NAB1: variants seen among roughly 807,000 people sequenced by gnomAD.
NAB1 encodes NGFI-A-binding protein 1.
A neutral mutation model predicts 49.9 loss-of-function variants in NAB1; 25 were observed. The ratio of observed to expected loss-of-function variants is 0.50; its 90% CI spans 0.37 to 0.70. The LOEUF (loss-of-function observed/expected upper bound fraction) is 0.70, where lower values mean the gene tolerates loss of function less well. Ranked by LOEUF, NAB1 falls within the 30% of genes least tolerant of loss-of-function variation. The pLI, the probability that NAB1 is intolerant of heterozygous loss-of-function variation, is 0.00. For synonymous variants in NAB1, 198 were observed against 215.6 expected, an observed-to-expected ratio of 0.92 and a Z score of 0.71; for missense variants, 489 against 575.9, an observed-to-expected ratio of 0.85 and a Z score of 1.54.
chr2:190,663,258 C>T lies in NAB1; in HGVS notation c.819+3263C>T, dbSNP rs1391359955. 3.9e-5 allele frequency among the ~76,000 whole-genome samples: 6 copies of T among 152,034 alleles called. No individual in the cohort carries two copies. The highest frequency in any genetic ancestry group is 5.9e-5 in the Non-Finnish European group (4 of 67,998). ...TCATCTGAGTTTTCAAACTTAGTGG[C>T]GTAAAGTTATTTATAGTTTTTTAAG... On this transcript the variant is annotated intron_variant, in intron 4 of 9. Transcript: ENST00000337386. This position sits in a 1 kb window ranked among gnomAD's most constrained non-coding sequence, Gnocchi z 4.2.
At position 190,666,824 on chromosome 2, in the gene NAB1, A is replaced by G. The variant is rs1009094245; in HGVS notation, c.820-3502A>G. Reference sequence around the variant, plus strand: ...AACCAGTAAGGGAGAATATCTTGTTACTTTATCCTTTTAACAAAATTAGAG... The same window carrying G: ...AACCAGTAAGGGAGAATATCTTGTTGCTTTATCCTTTTAACAAAATTAGAG... On this transcript the variant is annotated intron_variant, in intron 4 of 9. Coordinates refer to ENST00000337386, the MANE Select transcript of NAB1 (RefSeq NM_005966.4). This position sits in a 1 kb window ranked among gnomAD's most constrained non-coding sequence, Gnocchi z 5.6. Among the ~76,000 whole-genome samples the G allele has an allele frequency of 6.6e-6, 1 of 152,248 alleles. No homozygotes were observed. Among genetic ancestry groups the G allele is most frequent in the Non-Finnish European group, 1.5e-5 (1 of 68,036 alleles).
At chr2:190,668,525 G>A (rs1694639870) in intron 4 of NAB1, among the ~76,000 whole-genome samples, 2 of 152,072 alleles carry the variant, frequency 1.3e-5, no homozygotes, top group Admixed American at 6.6e-5. Flanking sequence ...AACAAGCCAC[G>A]TCTCTGCCTT....
chr2:190,657,018 A>G lies in NAB1; in HGVS notation c.-20+865A>G, dbSNP rs1011056375. On this transcript the variant is annotated intron_variant, in intron 3 of 9. Coordinates refer to ENST00000337386, the MANE Select transcript of NAB1 (RefSeq NM_005966.4). This position sits in a 1 kb window ranked among gnomAD's most constrained non-coding sequence, Gnocchi z 4.4. ...TCCACAGTCTATTTTGATCATGTGTATGTATATACACATTACACATGTACT... is the reference window on the plus strand; with the variant it reads ...TCCACAGTCTATTTTGATCATGTGTGTGTATATACACATTACACATGTACT... 1.3e-5 allele frequency among the ~76,000 whole-genome samples: 2 copies of G among 152,130 alleles called. No individual in the cohort carries two copies.
intron 6 of NAB1, among the ~76,000 whole-genome samples, chr2:190,681,118 C>T (rs116350366): frequency 0.011 from 1,610 of 152,158 alleles, 32 homozygotes; most frequent in African/African-American, 0.037. Flanking sequence ...ATAGAAATGC[C>T]TGTGTTTTTG....
At chr2:190,683,045 G>A (rs1175558581) in intron 6 of NAB1, among the ~76,000 whole-genome samples, 2 of 152,088 alleles carry the variant, frequency 1.3e-5, no homozygotes, top group East Asian at 3.8e-4. Flanking sequence ...TGTCCAATGC[G>A]AGGATAGTGG....
In NAB1 at chr2:190,654,315, C is replaced by T. The variant is rs928404602; in HGVS notation, c.-196-1662C>T. Among the ~76,000 whole-genome samples the T allele has an allele frequency of 5.3e-5, 8 of 152,288 alleles. No individual in the cohort carries two copies. The highest frequency in any genetic ancestry group is 2.6e-4 in the Admixed American group (4 of 15,296). ...TCTCTCCTTGCTCTTAACTGACTCT[C>T]CATGAAGGACTGTCTTTCCTCTGTT... On this transcript the variant is annotated intron_variant, in intron 2 of 9. Coordinates refer to ENST00000337386, the MANE Select transcript of NAB1 (RefSeq NM_005966.4). This position sits in a 1 kb window ranked among gnomAD's most constrained non-coding sequence, Gnocchi z 5.6.
chr2:190,649,041 G>T, upstream of NAB1: 1 of 146,898 alleles, frequency 6.8e-6, no homozygotes, highest in South Asian at 2.0e-4. This position sits in a 1 kb window ranked among gnomAD's most constrained non-coding sequence, Gnocchi z 6.1. Context: ...GGGGAAGGCA[G>T]GGGAGGGGAG....
rs769070397 is a variant in NAB1, at chr2:190,686,067, T to C, written c.1258+429T>C. ...TATGGTGACTGCATCTAAAGTGTTATGACAGAGTACAGCTCAGGTTTAGAA... is the reference window on the plus strand; with the variant it reads ...TATGGTGACTGCATCTAAAGTGTTACGACAGAGTACAGCTCAGGTTTAGAA... On this transcript the variant is annotated intron_variant, in intron 8 of 9. Coordinates refer to ENST00000337386, the MANE Select transcript of NAB1 (RefSeq NM_005966.4). This position sits in a 1 kb window ranked among gnomAD's most constrained non-coding sequence, Gnocchi z 5.5. 1.7e-4 allele frequency among the ~76,000 whole-genome samples: 26 copies of C among 152,254 alleles called. No homozygotes were observed. Among genetic ancestry groups the C allele is most frequent in the Admixed American group, 4.6e-4 (7 of 15,288 alleles).
intron 6 of NAB1, 34 bp downstream of exon 6, chr2:190,673,186 A>C (rs1164607218): frequency 6.2e-7 from 1 of 1,601,496 alleles, no homozygotes; most frequent in Non-Finnish European, 8.5e-7. Flanking sequence ...TTATGCTGAT[A>C]ATGTTTGCTT....
In NAB1 at chr2:190,666,536, G is replaced by A. The variant is rs1247679523; in HGVS notation, c.820-3790G>A. On this transcript the variant is annotated intron_variant, in intron 4 of 9. Coordinates refer to ENST00000337386, the MANE Select transcript of NAB1 (RefSeq NM_005966.4). This position sits in a 1 kb window ranked among gnomAD's most constrained non-coding sequence, Gnocchi z 5.6. ...AGCCTGGCCAACATGATGAAACCCC[G>A]TCTGTACTAAAAATACAAAAAAATT... Among the ~76,000 whole-genome samples the A allele has an allele frequency of 6.6e-6, 1 of 151,932 alleles. No individual in the cohort carries two copies. Among genetic ancestry groups the A allele is most frequent in the African/African-American group, 2.4e-5 (1 of 41,348 alleles).
Position 190,682,595 on chromosome 2 carries a change from A to G in NAB1, c.1006-1143A>G, listed in dbSNP as rs959926769. On this transcript the variant is annotated intron_variant, in intron 6 of 9. Coordinates refer to ENST00000337386, the MANE Select transcript of NAB1 (RefSeq NM_005966.4). The surrounding 1 kb of genome is among the most constrained non-coding windows in gnomAD (Gnocchi z 4.1). ...TAGGTCAGAGGGTTAAATTTAAAAA[A>G]CAAATCAAACTTTTAGAAAAATTAG... 7.9e-5 allele frequency among the ~76,000 whole-genome samples: 12 copies of G among 152,264 alleles called. No individual in the cohort carries two copies. The highest frequency in any genetic ancestry group is 1.3e-4 in the Non-Finnish European group (9 of 68,042).
At chr2:190,653,167 C>G (rs971605568) in intron 2 of NAB1, among the ~76,000 whole-genome samples, 3 of 152,178 alleles carry the variant, frequency 2.0e-5, no homozygotes, top group Non-Finnish European at 2.9e-5. Context: ...TCACCCTTCT[C>G]TCAGGCCCCT....
intron 9 of NAB1, 37 bp from the exon 10 acceptor site, chr2:190,690,208 T>C: frequency 1.4e-6 from 2 of 1,419,938 alleles, no homozygotes; most frequent in Non-Finnish European, 9.9e-7. Flanking sequence ...GTCCATTGAT[T>C]AAAATATCAA....
At position 190,679,999 on chromosome 2, in the gene NAB1, C is replaced by T. The variant is rs1695253395; in HGVS notation, c.1006-3739C>T. ...CAGTGTTCTGGCCCCTCCCAGACCT[C>T]GTGATCTTGAGTTCCTTATTCTAGA... On this transcript the variant is annotated intron_variant, in intron 6 of 9. Transcript: ENST00000337386. The surrounding 1 kb of genome is among the most constrained non-coding windows in gnomAD (Gnocchi z 5.3). Among the ~76,000 whole-genome samples, 1 of 152,200 alleles carries T rather than the reference C, an allele frequency of 6.6e-6. No homozygotes were observed. The highest frequency in any genetic ancestry group is 1.5e-5 in the Non-Finnish European group (1 of 68,042).
At position 190,652,436 on chromosome 2, in the gene NAB1, T is replaced by C. The variant is rs1693715786; in HGVS notation, c.-197+2454T>C. ...TGCTAGTATTTGCCTATTGTTACTATAGTTAAATGAATAAATACATAGTTA... is the reference window on the plus strand; with the variant it reads ...TGCTAGTATTTGCCTATTGTTACTACAGTTAAATGAATAAATACATAGTTA... On this transcript the variant is annotated intron_variant, in intron 2 of 9. Transcript: ENST00000337386. The surrounding 1 kb of genome is among the most constrained non-coding windows in gnomAD (Gnocchi z 4.2). 6.6e-6 allele frequency among the ~76,000 whole-genome samples: 1 copy of C among 152,220 alleles called. No homozygotes were observed. The highest frequency in any genetic ancestry group is 2.1e-4 in the South Asian group (1 of 4,838).
chr2:190,680,560 G>A lies in NAB1; in HGVS notation c.1006-3178G>A, dbSNP rs1370371750. The stretch of plus-strand genomic sequence containing the variant: ...CTGAGGCATGGCCATCTTGTTTGAC[G>A]TTGTATTCCCATATTGAGTACAGTG... On this transcript the variant is annotated intron_variant, in intron 6 of 9. Coordinates refer to ENST00000337386, the MANE Select transcript of NAB1 (RefSeq NM_005966.4). This position sits in a 1 kb window ranked among gnomAD's most constrained non-coding sequence, Gnocchi z 5.2. Among the ~76,000 whole-genome samples the A allele has an allele frequency of 1.3e-5, 2 of 152,198 alleles. No individual in the cohort carries two copies. Among genetic ancestry groups the A allele is most frequent in the African/African-American group, 2.4e-5 (1 of 41,440 alleles).
chr2:190,669,585 A>C lies in NAB1; in HGVS notation c.820-741A>C, dbSNP rs1694698498. On this transcript the variant is annotated intron_variant, in intron 4 of 9. Transcript: ENST00000337386. The surrounding 1 kb of genome is among the most constrained non-coding windows in gnomAD (Gnocchi z 4.3). ...CTAAGTACATCTTTTGCATATTAAAAAAGTCTGATATACCTCTTGACAGTT... is the reference window on the plus strand; with the variant it reads ...CTAAGTACATCTTTTGCATATTAAACAAGTCTGATATACCTCTTGACAGTT... 6.6e-6 allele frequency among the ~76,000 whole-genome samples: 1 copy of C among 152,214 alleles called. No homozygotes were observed. Among genetic ancestry groups the C allele is most frequent in the African/African-American group, 2.4e-5 (1 of 41,456 alleles).
At chr2:190,664,526 TTTCCTTCCTTCC>T (rs112074461) in intron 4 of NAB1, among the ~76,000 whole-genome samples, 2,432 of 127,600 alleles carry the variant, frequency 0.019, 44 homozygotes, top group East Asian at 0.097. Context: ...TCTTTTCTTT[TTTCCTTCCTTCC>T]TTCCTTCCTT....
Position 190,685,084 on chromosome 2 carries a change from A to C in NAB1, c.1096-392A>C, listed in dbSNP as rs1403445729. Among the ~76,000 whole-genome samples, 1 of 152,216 alleles carries C rather than the reference A, an allele frequency of 6.6e-6. No individual in the cohort carries two copies. The highest frequency in any genetic ancestry group is 1.5e-5 in the Non-Finnish European group (1 of 68,038). ...AGAGTCTGTGTACTGCCAGATCCTA[A>C]AATAAAAATGCCAAGATTTCGCCCC... is the stretch of plus-strand genomic sequence containing the variant. On this transcript the variant is annotated intron_variant, in intron 7 of 9. Coordinates refer to ENST00000337386, the MANE Select transcript of NAB1 (RefSeq NM_005966.4). This position sits in a 1 kb window ranked among gnomAD's most constrained non-coding sequence, Gnocchi z 4.5.
Sources: gnomAD v4.1 joint callset for allele counts (sites outside exome capture counted in the v4.1 genomes callset) on GRCh38, gnomAD v4.1.1 for gene constraint, Gnocchi (gnomAD v3.1) non-coding constraint, MANE v1.5 for transcripts, NCBI Gene and HGNC (gene_info 2026-07-23, HGNC 2026-07-21) for gene names.